CNTNAP5: variants seen among roughly 807,000 people sequenced by gnomAD.
CNTNAP5 encodes contactin-associated protein-like 5.
In CNTNAP5, 72 loss-of-function variants were observed where a neutral mutation model predicts 150.2. The observed-to-expected ratio is 0.48, with a 90% CI of 0.40 to 0.58. CNTNAP5 has a LOEUF of 0.58. CNTNAP5 is among the 20% of genes least tolerant of loss of function. CNTNAP5 has a pLI of 0.00. For missense variants in CNTNAP5, 1,636 were observed against 1,626.2 expected, an observed-to-expected ratio of 1.01 and a Z score of -0.10; for synonymous variants, 672 against 619.8, an observed-to-expected ratio of 1.08 and a Z score of -1.25.
intron 1 of CNTNAP5, among the ~76,000 whole-genome samples, chr2:124,200,381 T>C (rs1685698391): frequency 6.6e-6 from 1 of 152,222 alleles, no homozygotes; most frequent in African/African-American, 2.4e-5. Context: ...CTCATTGTTA[T>C]GGTTTTCTCA....
chr2:124,799,126 T>C (rs1391193884), intron 19 of CNTNAP5, among the ~76,000 whole-genome samples: 1 of 152,204 alleles, frequency 6.6e-6, no homozygotes, highest in Non-Finnish European at 1.5e-5. Flanking sequence ...GGATCATTTT[T>C]CAATTTGCAT....
At chr2:124,730,214 G>T (rs1322247080) in intron 13 of CNTNAP5, among the ~76,000 whole-genome samples, 3 of 151,874 alleles carry the variant, frequency 2.0e-5, no homozygotes, top group Non-Finnish European at 4.4e-5. Context: ...TTAAATCTTA[G>T]GTAAAAAATG....
chr2:124,523,944 T>C (rs1347799315), intron 8 of CNTNAP5, among the ~76,000 whole-genome samples: 1 of 149,334 alleles, frequency 6.7e-6, no homozygotes, highest in Non-Finnish European at 1.5e-5. Context: ...TGGTAATATT[T>C]TGAGTTCGTT....
intron 13 of CNTNAP5, among the ~76,000 whole-genome samples, chr2:124,684,858 G>A (rs1468974949): frequency 6.6e-6 from 1 of 152,098 alleles, no homozygotes; most frequent in East Asian, 1.9e-4. Context: ...ATATTTAAGA[G>A]GTCACACAAG....
chr2:124,841,501 A>T (rs1682944080), intron 19 of CNTNAP5, among the ~76,000 whole-genome samples: 1 of 151,894 alleles, frequency 6.6e-6, no homozygotes, highest in Non-Finnish European at 1.5e-5. Flanking sequence ...CCCATGGCTA[A>T]TAATTAAGGT....
At chr2:124,451,045 A>ATATATATATATAT (rs1287236471) in intron 6 of CNTNAP5, among the ~76,000 whole-genome samples, 1 of 75,326 alleles carries the variant, frequency 1.3e-5, no homozygotes, top group African/African-American at 5.3e-5. Flanking sequence ...AAAAAAAAAA[A>ATATATATATATAT]AAAAAAATAT....
At chr2:124,739,700 T>C (rs1017658806) in intron 13 of CNTNAP5, among the ~76,000 whole-genome samples, 13 of 152,206 alleles carry the variant, frequency 8.5e-5, no homozygotes, top group African/African-American at 2.9e-4. Context: ...TTGTGATCTT[T>C]ACCTGCACAA....
intron 21 of CNTNAP5, 105 bp downstream of exon 21, chr2:124,869,867 C>G (rs1395169390): frequency 6.8e-6 from 4 of 589,974 alleles, no homozygotes; most frequent in Non-Finnish European, 1.2e-5. Context: ...CCTTTTGCTC[C>G]CATAATATCT....
At chr2:124,330,533 A>G (rs1689324722) in intron 3 of CNTNAP5, among the ~76,000 whole-genome samples, 1 of 152,110 alleles carries the variant, frequency 6.6e-6, no homozygotes, top group Non-Finnish European at 1.5e-5. Context: ...TGATGGTTTT[A>G]TAAATGGCTC....
At chr2:124,431,184 A>T (rs1366980291) in intron 4 of CNTNAP5, among the ~76,000 whole-genome samples, 1 of 152,126 alleles carries the variant, frequency 6.6e-6, no homozygotes, top group Non-Finnish European at 1.5e-5. Context: ...TTAAGAGATA[A>T]CCTATGTCCC....
In CNTNAP5 at chr2:124,668,115, G is replaced by A. The variant is rs1177974333; in HGVS notation, c.2077+20157G>A. ...TGATGATGTATCAGGGAATTCCCTG[G>A]CCCTGTAAGGCTGTCTGGTATCAGG... is the stretch of plus-strand genomic sequence containing the variant. On this transcript the variant is annotated intron_variant, in intron 13 of 23. Transcript: ENST00000682447. 2.6e-5 allele frequency among the ~76,000 whole-genome samples: 4 copies of A among 152,280 alleles called. No homozygotes were observed. In the South Asian group the frequency reaches 8.3e-4, roughly 32 times the overall value.
intron 8 of CNTNAP5, among the ~76,000 whole-genome samples, chr2:124,510,667 T>C (rs1694566910): frequency 6.6e-6 from 1 of 151,936 alleles, no homozygotes; most frequent in African/African-American, 2.4e-5. Flanking sequence ...ACATGAGGTC[T>C]ACTTCAGTAA....
chr2:124,841,437 T>C (rs1468777315), intron 19 of CNTNAP5, among the ~76,000 whole-genome samples: 1 of 151,836 alleles, frequency 6.6e-6, no homozygotes, highest in African/African-American at 2.4e-5. Context: ...TAAGATCCTC[T>C]GTTTTCTTCT....
At chr2:124,127,229 A>G (rs1267377110) in intron 1 of CNTNAP5, among the ~76,000 whole-genome samples, 1 of 152,210 alleles carries the variant, frequency 6.6e-6, no homozygotes, top group Admixed American at 6.5e-5. Flanking sequence ...TACAAAATCA[A>G]TGTGCAAAAA....
At position 124,592,539 on chromosome 2, in the gene CNTNAP5, A is replaced by G. The variant is rs1696712196; in HGVS notation, c.1757-17262A>G. Among the ~76,000 whole-genome samples the G allele has an allele frequency of 1.3e-5, 2 of 151,552 alleles. 1 individual carries two copies. Among genetic ancestry groups the G allele is most frequent in the South Asian group, 4.2e-4 (2 of 4,818 alleles). ...TAAAAACATGTCTGACCTTGCTTAT[A>G]GGAAAAAAAAATGCTAAAGAAAATG... On this transcript the variant is annotated intron_variant, in intron 11 of 23. Transcript: ENST00000682447.
chr2:124,067,677 T>C (rs1344335630), intron 1 of CNTNAP5, among the ~76,000 whole-genome samples: 1 of 152,158 alleles, frequency 6.6e-6, no homozygotes, highest in African/African-American at 2.4e-5. Flanking sequence ...ATAAGTAAGA[T>C]ACATAATTTC....
rs200813034 is a variant in CNTNAP5, at chr2:124,763,780, C to T, written c.2343C>T (p.Pro781=). Residue 781 remains proline (P), a synonymous_variant, in exon 15 of 24, where the codon CCC becomes CCT. Coordinates refer to ENST00000682447, the MANE Select transcript of CNTNAP5 (RefSeq NM_001367498.1). Reference sequence around the variant, plus strand: ...CAGAAGCCGCTTGGAGAATTGGTCCCTTGCGTTGCTATGGTGACCGTGAGT... The same window carrying T: ...CAGAAGCCGCTTGGAGAATTGGTCCTTTGCGTTGCTATGGTGACCGTGAGT... ...SNSEAAWRIG[P]LRCYGDRRFW... is the part of the protein sequence containing the mutation. 1.2e-6 allele frequency: 2 copies of T among 1,613,096 alleles called. No homozygotes were observed. The highest frequency in any genetic ancestry group is 1.3e-5 in the African/African-American group (1 of 75,020).
chr2:124,773,924 G>C (rs1681262515), intron 17 of CNTNAP5, among the ~76,000 whole-genome samples: 2 of 145,888 alleles, frequency 1.4e-5, no homozygotes, highest in African/African-American at 2.7e-5. Flanking sequence ...GTGTGTGTGT[G>C]TGTGTGTGTG....
chr2:124,653,911 A>ACCCCCCCCCC (rs70996088), intron 13 of CNTNAP5, among the ~76,000 whole-genome samples: 4 of 57,490 alleles, frequency 7.0e-5, no homozygotes, highest in Admixed American at 2.1e-4. Flanking sequence ...ACTGCCCCCA[A>ACCCCCCCCCC]CCCCCCCCCC....
Sources: allele counts gnomAD v4.1 joint callset (sites outside exome capture counted in the v4.1 genomes callset), GRCh38; gene constraint gnomAD v4.1.1; transcripts MANE v1.5; gene names NCBI Gene and HGNC (gene_info 2026-07-23, HGNC 2026-07-21).